Variants in PADI2 observed in about 807,000 individuals in gnomAD.
PADI2 encodes the protein protein-arginine deiminase type-2.
A neutral mutation model predicts 81.1 loss-of-function variants in PADI2; 70 were observed. The observed-to-expected ratio is 0.86, with a 90% CI of 0.71 to 1.05. The LOEUF is 1.05. PADI2 is among the 50% of genes least tolerant of loss of function. The probability of loss-of-function intolerance (pLI) is 0.00; values close to 1 mark genes in which losing one functional copy is unlikely to be tolerated. For missense variants in PADI2, 853 were observed against 889.9 expected (o/e 0.96, Z 0.53); for synonymous variants, 338 against 358.0 (o/e 0.94, Z 0.63).
chr1:17,108,487 T>C (rs1450470610), intron 1 of PADI2, among the ~76,000 whole-genome samples: 3 of 151,808 alleles, frequency 2.0e-5, no homozygotes, highest in Admixed American at 2.0e-4. Context: ...TGCCACGTGG[T>C]ACCTGCCCTC....
chr1:17,118,490 G>T (rs900849360), intron 1 of PADI2, among the ~76,000 whole-genome samples: 3 of 152,102 alleles, frequency 2.0e-5, no homozygotes, highest in Non-Finnish European at 2.9e-5. Context: ...ATTGCGGGGG[G>T]AGTGGTAGGG....
chr1:17,112,543 G>A (rs1253696869), intron 1 of PADI2, among the ~76,000 whole-genome samples: 1 of 152,004 alleles, frequency 6.6e-6, no homozygotes, highest in Non-Finnish European at 1.5e-5. Flanking sequence ...AGTCGTGGGT[G>A]CCAGCCTGTC....
intron 10 of PADI2, among the ~76,000 whole-genome samples, chr1:17,080,501 A>G (rs1333689883): frequency 6.6e-6 from 1 of 152,206 alleles, no homozygotes; most frequent in African/African-American, 2.4e-5. Flanking sequence ...ATCAACATGG[A>G]ATGCCAGCAA....
rs552260829 is a variant in PADI2, at chr1:17,103,124, G to A, written c.277-65C>T. 316 of 1,235,792 alleles carry A rather than the reference G, an allele frequency of 2.6e-4. 2 individuals are homozygous for A. In the South Asian group the frequency reaches 2.9e-3, roughly 11 times the overall value. 76.6% of individuals were successfully genotyped at this position (1,235,792 alleles called of 1,614,324 possible). A position where few individuals can be genotyped will look rare whatever the true frequency, so the allele number is the denominator to read the frequency against. On this transcript the variant is annotated intron_variant, in intron 2 of 15. Transcript: ENST00000375486. ...GAGCAGAGATCACAGATCACAAGCA[G>A]GAAAACCTGAAGCAACTGCTGTCCC...
intron 1 of PADI2, among the ~76,000 whole-genome samples, chr1:17,116,601 T>C (rs1931769568): frequency 6.6e-6 from 1 of 152,140 alleles, no homozygotes; most frequent in Non-Finnish European, 1.5e-5. Context: ...GCCGTCCAGT[T>C]CAACCCGCTG....
intron 6 of PADI2, 98 bp from the exon 7 acceptor site, chr1:17,086,797 C>T: frequency 2.1e-6 from 2 of 972,226 alleles, no homozygotes; most frequent in East Asian, 2.5e-5. Flanking sequence ...AGTAACTTGT[C>T]CTCTAGACAG....
chr1:17,116,084 T>A (rs1305663210), intron 1 of PADI2, among the ~76,000 whole-genome samples: 2 of 152,218 alleles, frequency 1.3e-5, no homozygotes, highest in Non-Finnish European at 2.9e-5. Flanking sequence ...TTCTATTGAA[T>A]ACAAGATCCT....
chr1:17,073,879 C>T (rs1288289982), intron 13 of PADI2, among the ~76,000 whole-genome samples: 3 of 152,164 alleles, frequency 2.0e-5, no homozygotes, highest in Non-Finnish European at 2.9e-5. Flanking sequence ...AACCTCATCC[C>T]GACTATGTCT....
At chr1:17,084,775 G>C (rs1214562257) in intron 7 of PADI2, 73 bp from the exon 8 acceptor site, 1 of 862,036 alleles carries the variant, frequency 1.2e-6, no homozygotes, top group Admixed American at 2.2e-5. Flanking sequence ...CTTTCAAAGC[G>C]GGTGAAACTG....
chr1:17,081,796 A>G (rs1381049996), intron 10 of PADI2, among the ~76,000 whole-genome samples: 1 of 150,828 alleles, frequency 6.6e-6, no homozygotes, highest in Non-Finnish European at 1.5e-5. Flanking sequence ...TGACTTAAAA[A>G]CAAACAAACA....
intron 1 of PADI2, among the ~76,000 whole-genome samples, chr1:17,107,022 T>C (rs200436613): frequency 6.6e-6 from 1 of 152,166 alleles, no homozygotes; most frequent in East Asian, 1.9e-4. Flanking sequence ...TGTTGTTGGC[T>C]TAAGGAGAGG....
In PADI2 at chr1:17,083,809, C is replaced by A; in HGVS notation, c.967G>T (p.Glu323Ter). ...CMKDNYLFLK[E>*]VKNLVEKTNC... ...GTTTTCTCCACAAGGTTCTTCACCT[C>A]TTTCAGGAACAGGTAATTATCCTTC... Residue 323 changes from glutamate (E) to a stop codon, truncating the protein, a stop_gained, in exon 9 of 16, where the codon GAG becomes TAG. Coordinates refer to ENST00000375486, the MANE Select transcript of PADI2 (RefSeq NM_007365.3). LOFTEE classifies it high-confidence loss of function. 1.2e-6 allele frequency: 2 copies of A among 1,612,198 alleles called. No homozygotes were observed. Among genetic ancestry groups the A allele is most frequent in the Non-Finnish European group, 1.7e-6 (2 of 1,178,240 alleles).
intron 1 of PADI2, among the ~76,000 whole-genome samples, chr1:17,114,421 C>A (rs969597915): frequency 1.3e-5 from 2 of 152,148 alleles, no homozygotes; most frequent in African/African-American, 4.8e-5. Context: ...GGGCTCTGCA[C>A]CCCACAGTTT....
chr1:17,082,619 G>T lies in PADI2; in HGVS notation c.1084C>A (p.His362Asn). 1 of 1,610,492 alleles carries T rather than the reference G, an allele frequency of 6.2e-7. No homozygotes were observed. The highest frequency in any genetic ancestry group is 2.2e-5 in the East Asian group (1 of 44,748). Reference sequence around the variant, plus strand: ...TCCAGCACCACGGGGAAGCCTTTATGGGGGGCCTCGATGTAGCCAAACTCA... The same window carrying T: ...TCCAGCACCACGGGGAAGCCTTTATTGGGGGCCTCGATGTAGCCAAACTCA... ...EIEFGYIEAPHKGFPVVLDSP... is the reference protein window; with the variant it reads ...EIEFGYIEAPNKGFPVVLDSP... Residue 362 changes from histidine (H) to asparagine (N), a missense_variant, in exon 10 of 16, where the codon CAT becomes AAT. Coordinates refer to ENST00000375486, the MANE Select transcript of PADI2 (RefSeq NM_007365.3).
intron 5 of PADI2, among the ~76,000 whole-genome samples, chr1:17,092,774 C>T (rs145122161): frequency 5.3e-5 from 8 of 151,424 alleles, no homozygotes; most frequent in Admixed American, 1.3e-4. Context: ...CATAGCAAGA[C>T]CCCATCTTTA....
chr1:17,076,307 C>T (rs7523483), intron 11 of PADI2, among the ~76,000 whole-genome samples: 90,882 of 151,474 alleles, frequency 0.6, 27,662 homozygotes, highest in Middle Eastern at 0.7. Context: ...CTCTGCCTCC[C>T]GGGTTCAAGC....
At chr1:17,099,681 A>G (rs1931071826) in intron 3 of PADI2, among the ~76,000 whole-genome samples, 1 of 152,110 alleles carries the variant, frequency 6.6e-6, no homozygotes, top group Non-Finnish European at 1.5e-5. Flanking sequence ...CTTTAACTTC[A>G]CCCAGGCAGA....
intron 5 of PADI2, among the ~76,000 whole-genome samples, chr1:17,093,238 G>A (rs1473777361): frequency 6.6e-6 from 1 of 151,934 alleles, no homozygotes; most frequent in Non-Finnish European, 1.5e-5. Context: ...TGGGATTACA[G>A]GTGCATGCCA....
chr1:17,074,700 C>T (rs2078288474), intron 13 of PADI2, among the ~76,000 whole-genome samples, 156 bp downstream of exon 13: 2 of 152,198 alleles, frequency 1.3e-5, no homozygotes, highest in South Asian at 4.1e-4. Context: ...GAGGTGCTTC[C>T]CAGCATGGCG....
Sources: gnomAD v4.1 joint callset for allele counts (sites outside exome capture counted in the v4.1 genomes callset) on GRCh38, gnomAD v4.1.1 for gene constraint, MANE v1.5 for transcripts, NCBI Gene and HGNC (gene_info 2026-07-23, HGNC 2026-07-21) for gene names.